The following LRP2 variants were observed in gnomAD, a reference collection of about 807,000 sequenced individuals.
LRP2 encodes LDL receptor related protein 2, also known as low-density lipoprotein receptor-related protein 2.
Under a neutral mutation model 531.0 loss-of-function variants are expected in LRP2, and 172 were observed. The observed-to-expected ratio is 0.32, with a 90% CI of 0.29 to 0.37. The LOEUF is 0.37. LRP2 is among the 10% of genes least tolerant of loss of function. The pLI, the probability that LRP2 is intolerant of heterozygous loss-of-function variation, is 1.00. For missense variants in LRP2, 5,167 were observed against 5,868.3 expected (o/e 0.88, Z 3.90); for synonymous variants, 1,992 against 2,027.6 (o/e 0.98, Z 0.47).
At chr2:169,256,760 T>C (rs1690320409) in intron 18 of LRP2, among the ~76,000 whole-genome samples, 1 of 152,122 alleles carries the variant, frequency 6.6e-6, no homozygotes, top group African/African-American at 2.4e-5. Flanking sequence ...AAACTCAAGA[T>C]GTTCCCTGTA....
intron 3 of LRP2, among the ~76,000 whole-genome samples, chr2:169,311,287 G>C (rs1252492464): frequency 3.3e-5 from 5 of 152,084 alleles, no homozygotes; most frequent in Admixed American, 6.5e-5. Flanking sequence ...TTTTAATTGT[G>C]ATGTTAGGGT....
intron 63 of LRP2, among the ~76,000 whole-genome samples, chr2:169,160,977 G>A (rs537358205): frequency 3.9e-5 from 6 of 152,326 alleles, no homozygotes; most frequent in Non-Finnish European, 7.3e-5. Context: ...TCCTTTGGAT[G>A]CCTCAGGAAA....
rs1272185093 is a variant in LRP2 at position 169,357,475 on chromosome 2, G to A, written c.79+4846C>T. 3.9e-5 allele frequency among the ~76,000 whole-genome samples: 6 copies of A among 152,096 alleles called. No homozygotes were observed. The South Asian group carries it at 1.0e-3, about 26-fold the overall frequency. Reference sequence around the variant, plus strand: ...GCCTCCCGAGTAGCTGGGATTACAGGTGTGCGTCACCACGCCCAGCTAATT... The same window carrying A: ...GCCTCCCGAGTAGCTGGGATTACAGATGTGCGTCACCACGCCCAGCTAATT... On this transcript the variant is annotated intron_variant, in intron 1 of 78. Coordinates refer to ENST00000649046, the MANE Select transcript of LRP2 (RefSeq NM_004525.3).
At chr2:169,159,281 A>T (rs890744924) in intron 63 of LRP2, among the ~76,000 whole-genome samples, 1 of 152,140 alleles carries the variant, frequency 6.6e-6, no homozygotes, top group South Asian at 2.1e-4. Context: ...ATCAAAATAG[A>T]TTTATATCTA....
intron 34 of LRP2, 119 bp from the exon 35 acceptor site, chr2:169,216,549 G>A (rs1574143589): frequency 2.1e-6 from 2 of 937,534 alleles, no homozygotes; most frequent in Non-Finnish European, 1.7e-6. Flanking sequence ...GGCAAAGGCT[G>A]AAAATCAATA....
At chr2:169,145,979 C>G in intron 69 of LRP2, 56 bp from the exon 70 acceptor site, 1 of 1,476,358 alleles carries the variant, frequency 6.8e-7, no homozygotes, top group South Asian at 1.1e-5. Context: ...AAAATACCCA[C>G]TACACCCTAC....
intron 26 of LRP2, 66 bp downstream of exon 26, chr2:169,239,461 A>C: frequency 1.2e-6 from 2 of 1,612,830 alleles, no homozygotes; most frequent in Non-Finnish European, 1.7e-6. Context: ...AAATACCTAC[A>C]TGTGCCATTT....
chr2:169,337,877 C>G (rs1032223699), intron 1 of LRP2, among the ~76,000 whole-genome samples: 2 of 152,082 alleles, frequency 1.3e-5, no homozygotes, highest in Non-Finnish European at 2.9e-5. Context: ...GAGGCTGAGG[C>G]AGGAGGATCG....
intron 6 of LRP2, among the ~76,000 whole-genome samples, chr2:169,293,194 C>T (rs141728033): frequency 2.0e-5 from 3 of 152,200 alleles, no homozygotes; most frequent in Non-Finnish European, 2.9e-5. Context: ...TAAATCACCA[C>T]GCAAAGCTGC....
At position 169,185,968 on chromosome 2, in the gene LRP2, G is replaced by C; in HGVS notation, c.9380C>G (p.Thr3127Arg). ...PSISGCDHNCTDTLTSFYCSC... is the reference protein window; with the variant it reads ...PSISGCDHNCRDTLTSFYCSC... ...ACAATAGAAACTGGTTAAGGTGTCT[G>C]TGCAGTTGTGATCGCAGCCACTGAT... The change falls in exon 50 of 79, where the codon ACA becomes AGA. Residue 3127 changes from threonine to arginine, a missense_variant. Transcript: ENST00000649046. The C allele has an allele frequency of 6.2e-7, 1 of 1,613,922 alleles. No individual in the cohort carries two copies. Among genetic ancestry groups the C allele is most frequent in the Non-Finnish European group, 8.5e-7 (1 of 1,179,946 alleles).
chr2:169,333,821 G>A (rs937256876), intron 1 of LRP2, among the ~76,000 whole-genome samples: 2 of 152,160 alleles, frequency 1.3e-5, no homozygotes, highest in Non-Finnish European at 1.5e-5. Flanking sequence ...TTTGCACCAG[G>A]AGTCCTTTGG....
chr2:169,345,772 C>T (rs1030159817), intron 1 of LRP2, among the ~76,000 whole-genome samples: 2 of 143,100 alleles, frequency 1.4e-5, no homozygotes, highest in Non-Finnish European at 3.0e-5. Flanking sequence ...AAAAAAAAAA[C>T]GAGCACTGTT....
intron 49 of LRP2, among the ~76,000 whole-genome samples, chr2:169,187,300 C>T (rs1687667833): frequency 6.6e-6 from 1 of 152,100 alleles, no homozygotes; most frequent in Non-Finnish European, 1.5e-5. Context: ...TTACATACTT[C>T]TGGGTCAATT....
chr2:169,261,233 A>G (rs1161740087), intron 16 of LRP2, among the ~76,000 whole-genome samples: 1 of 152,072 alleles, frequency 6.6e-6, no homozygotes, highest in East Asian at 1.9e-4. Flanking sequence ...GATGATAGGG[A>G]AAAGTCAGTA....
Position 169,128,562 on chromosome 2 carries a change from A to T in LRP2, c.*101T>A. 8.2e-7 allele frequency: 1 copy of T among 1,222,530 alleles called. No homozygotes were observed. Among genetic ancestry groups the T allele is most frequent in the Non-Finnish European group, 1.2e-6 (1 of 834,688 alleles). The allele number at this position is 1,222,530 out of a possible 1,614,324, so 75.7% of individuals were successfully genotyped here. A position where few individuals can be genotyped will look rare whatever the true frequency, so the allele number is the denominator to read the frequency against. ...ACTATAGGCAAACAGGGAAAAATAT[A>T]TTTTTTTCATAAAGTACTGAATGTT... On this transcript the variant is annotated 3_prime_UTR_variant, in exon 79 of 79. Transcript: ENST00000649046.
intron 1 of LRP2, among the ~76,000 whole-genome samples, chr2:169,352,401 T>G (rs552960848): frequency 3.2e-4 from 49 of 152,274 alleles, no homozygotes; most frequent in South Asian, 1.2e-3. Context: ...GCTTGTAACA[T>G]TCCCATCCAA....
At chr2:169,264,347 A>T (rs577319218) in intron 16 of LRP2, among the ~76,000 whole-genome samples, 1 of 152,190 alleles carries the variant, frequency 6.6e-6, no homozygotes, top group South Asian at 2.1e-4. Context: ...AGATCAACAA[A>T]ACAGAAGGAA....
chr2:169,208,601 C>T (rs914884124), intron 38 of LRP2, among the ~76,000 whole-genome samples: 1 of 152,052 alleles, frequency 6.6e-6, no homozygotes, highest in Non-Finnish European at 1.5e-5. Context: ...GGATTACAGG[C>T]GTACGCCACC....
At chr2:169,263,580 A>C (rs1174908560) in intron 16 of LRP2, among the ~76,000 whole-genome samples, 1 of 149,100 alleles carries the variant, frequency 6.7e-6, no homozygotes, top group Non-Finnish European at 1.5e-5. Context: ...GGCAATCATT[A>C]AAAAGTCAGG....
Sources: gnomAD v4.1 joint callset for allele counts (sites outside exome capture counted in the v4.1 genomes callset) on GRCh38, gnomAD v4.1.1 for gene constraint, MANE v1.5 for transcripts, NCBI Gene and HGNC (gene_info 2026-07-23, HGNC 2026-07-21) for gene names.